The following HIF3A variants were observed in gnomAD, a reference collection of about 807,000 sequenced individuals.
HIF3A encodes the protein hypoxia-inducible factor 3-alpha.
A neutral mutation model predicts 67.2 loss-of-function variants in HIF3A; 41 were observed. The observed-to-expected ratio is 0.61, with a 90% CI of 0.48 to 0.79. The LOEUF is 0.79. Among genes scored for constraint, HIF3A ranks in the 30% least tolerant of loss-of-function variants. The pLI is 0.00. For synonymous variants in HIF3A, 356 were observed against 374.8 expected (o/e 0.95, Z 0.58); for missense variants, 855 against 898.0 (o/e 0.95, Z 0.61).
In HIF3A at chr19:46,305,265, GCAGGGGGAGAACCA is replaced by G; in HGVS notation, c.240_253del (p.Gly82CysfsTer45). 1 of 1,614,090 alleles carries G rather than the reference GCAGGGGGAGAACCA, an allele frequency of 6.2e-7. No homozygotes were observed. Among genetic ancestry groups the G allele is most frequent in the Non-Finnish European group, 8.5e-7 (1 of 1,180,036 alleles). On this transcript the variant is annotated frameshift_variant, in exon 3 of 15. Transcript: ENST00000377670. LOFTEE classifies it high-confidence loss of function. Reference sequence around the variant, plus strand: ...ACCAGGGGAGTGGAACCAGGTGGGAGCAGGGGGAGAACCACTGGATGCCTGCTACCTGAAGGCCC... The same window carrying G: ...ACCAGGGGAGTGGAACCAGGTGGGAGCTGGATGCCTGCTACCTGAAGGCCC...
chr19:46,308,795 A>C lies in HIF3A; in HGVS notation c.561+20A>C. ...TGGAAGGTGCGTGGGGCCGGGCCAG[A>C]GGAGGGCGGGGACGCTGGGGCTGGG... On this transcript the variant is annotated intron_variant, in intron 5 of 14. Transcript: ENST00000377670. 6.6e-7 allele frequency: 1 copy of C among 1,512,198 alleles called. No homozygotes were observed. The highest frequency in any genetic ancestry group is 9.1e-7 in the Non-Finnish European group (1 of 1,101,176). The allele number at this position is 1,512,198 out of a possible 1,614,324, so 93.7% of individuals were successfully genotyped here.
At chr19:46,337,871 ACTGT>A (rs1353836073) in intron 14 of HIF3A, among the ~76,000 whole-genome samples, 2 of 152,184 alleles carry the variant, frequency 1.3e-5, no homozygotes, top group Non-Finnish European at 2.9e-5. Context: ...TAATTTGATG[ACTGT>A]CTGTCTTCTC....
At position 46,300,840 on chromosome 19, in the gene HIF3A, G is replaced by A. The variant is rs146859080; in HGVS notation, c.27-3058G>A. Reference sequence around the variant, plus strand: ...CAGTAGAACATCCAGAGGGCAGGCTGGGAGCTGGAAGGAGGGTCCCTCCGC... The same window carrying A: ...CAGTAGAACATCCAGAGGGCAGGCTAGGAGCTGGAAGGAGGGTCCCTCCGC... On this transcript the variant is annotated intron_variant, in intron 1 of 14. Coordinates refer to ENST00000377670, the MANE Select transcript of HIF3A (RefSeq NM_152795.4). Among the ~76,000 whole-genome samples the A allele has an allele frequency of 1.3e-3, 203 of 152,270 alleles. 2 individuals carry two copies. The highest frequency in any genetic ancestry group is 4.7e-3 in the African/African-American group (196 of 41,552).
rs1971937631 is a variant in HIF3A at position 46,341,632 on chromosome 19, TCC to T, written c.*2011_*2012del. ...TTTGATGTGTTTATCTCTTTTTTCT[TCC>T]TCTTCTTTTTTTTTTTTTTCTTTTT... On this transcript the variant is annotated 3_prime_UTR_variant, in exon 15 of 15. Coordinates refer to ENST00000377670, the MANE Select transcript of HIF3A (RefSeq NM_152795.4). 2 of 149,872 alleles carry T rather than the reference TCC, an allele frequency of 1.3e-5. No homozygotes were observed. Among genetic ancestry groups the T allele is most frequent in the African/African-American group, 5.1e-5 (2 of 39,584 alleles). The allele number at this position is 149,872 out of a possible 1,614,324, so 9.3% of individuals were successfully genotyped here.
chr19:46,323,891 C>T (rs965603091), intron 10 of HIF3A, among the ~76,000 whole-genome samples: 5 of 152,158 alleles, frequency 3.3e-5, no homozygotes, highest in African/African-American at 1.2e-4. Context: ...CCCCATGATT[C>T]AATTATCGCT....
At chr19:46,299,220 G>T (rs117257291) in intron 1 of HIF3A, among the ~76,000 whole-genome samples, 3,720 of 152,350 alleles carry the variant, frequency 0.024, 71 homozygotes, top group Non-Finnish European at 0.039. Flanking sequence ...GCCAGCTGGG[G>T]CGATCTGGAG....
At chr19:46,316,018 G>A (rs1444293489) in intron 8 of HIF3A, among the ~76,000 whole-genome samples, 1 of 152,110 alleles carries the variant, frequency 6.6e-6, no homozygotes, top group Non-Finnish European at 1.5e-5. Context: ...ATCACCTGAG[G>A]TCAGGAGTTC....
At chr19:46,335,765 G>A (rs924340157) in intron 14 of HIF3A, among the ~76,000 whole-genome samples, 5 of 151,986 alleles carry the variant, frequency 3.3e-5, no homozygotes, top group Non-Finnish European at 7.4e-5. Flanking sequence ...AGGGCAGGGT[G>A]AGTGTTTCCT....
intron 1 of HIF3A, 72 bp from the exon 2 acceptor site, chr19:46,303,826 C>T (rs1038125441): frequency 3.3e-6 from 5 of 1,529,690 alleles, no homozygotes; most frequent in Non-Finnish European, 4.4e-6. Context: ...CGTGGCAGCT[C>T]CCCACGTGCT....
chr19:46,318,305 C>A (rs1329707640), intron 8 of HIF3A, among the ~76,000 whole-genome samples: 3 of 151,532 alleles, frequency 2.0e-5, no homozygotes, highest in Non-Finnish European at 4.4e-5. Flanking sequence ...TGGTAACTCA[C>A]ACCTGTAATC....
Position 46,340,448 on chromosome 19 carries a change from ACCTTCTTCTTCTT to A in HIF3A, c.*835_*847del, listed in dbSNP as rs1217760319. On this transcript the variant is annotated 3_prime_UTR_variant, in exon 15 of 15. Transcript: ENST00000377670. Reference sequence around the variant, plus strand: ...CCTCCAATGTGGTCTGCTTTAGATCACCTTCTTCTTCTTCCTTCTTCCTCTTCCTCTTCCTCCT... The same window carrying A: ...CCTCCAATGTGGTCTGCTTTAGATCACCTTCTTCCTCTTCCTCTTCCTCCT... 6.6e-6 allele frequency: 1 copy of A among 151,740 alleles called. No individual in the cohort carries two copies. The highest frequency in any genetic ancestry group is 1.9e-4 in the East Asian group (1 of 5,144). 9.4% of individuals were successfully genotyped at this position (151,740 alleles called of 1,614,324 possible).
chr19:46,308,305 A>G lies in HIF3A; in HGVS notation c.448A>G (p.Thr150Ala), dbSNP rs1969081015. ...TCAGGACGCCCTGACCCCCCAGCAG[A>G]GTGAGTTCCCTGGAGGCCTCTGTCC... ...ELQDALTPQQ[T>A]LSRRKVEAPT... The change falls in exon 4 of 15, where the codon ACC (threonine) becomes GCC (alanine). Residue 150 changes from threonine to alanine, a missense_variant and splice_region_variant. Physicochemically the swap from Thr to Ala is moderately conservative, Grantham distance 58 (BLOSUM62 0). Around this residue, in one of 3 missense-constraint regions of HIF3A, gnomAD observed 638 missense variants for 660.5 expected, o/e 0.97. Coordinates refer to ENST00000377670, the MANE Select transcript of HIF3A (RefSeq NM_152795.4). 2.5e-6 allele frequency: 4 copies of G among 1,604,170 alleles called. No homozygotes were observed. The highest frequency in any genetic ancestry group is 3.4e-6 in the Non-Finnish European group (4 of 1,173,102).
At chr19:46,324,670 A>G (rs1041114227) in intron 10 of HIF3A, among the ~76,000 whole-genome samples, 4 of 151,856 alleles carry the variant, frequency 2.6e-5, no homozygotes, top group South Asian at 2.1e-4. Flanking sequence ...CCTGACTAAC[A>G]TGGTGAAACC....
rs1212101778 is a variant in HIF3A at position 46,309,376 on chromosome 19, T to C, written c.770+17T>C. 6.4e-7 allele frequency: 1 copy of C among 1,564,850 alleles called. No individual in the cohort carries two copies. The highest frequency in any genetic ancestry group is 2.3e-5 in the East Asian group (1 of 43,424). ...TGACGACAGGTGGGCAGGGGCCCCCTCTTCCGTCTGCCCAAGTTCAAGTGC... is the reference window on the plus strand; with the variant it reads ...TGACGACAGGTGGGCAGGGGCCCCCCCTTCCGTCTGCCCAAGTTCAAGTGC... On this transcript the variant is annotated intron_variant, in intron 6 of 14. Transcript: ENST00000377670.
chr19:46,308,514 G>T lies in HIF3A; in HGVS notation c.449-149G>T. On this transcript the variant is annotated intron_variant, in intron 4 of 14. Transcript: ENST00000377670. ...AGCCCTGCCCTGGGGGGTCCAAGGG[G>T]ACACATACTACCCCTGGGGGACCCT... 29 of 636,334 alleles carry T rather than the reference G, an allele frequency of 4.6e-5. 1 individual carries two copies. The South Asian group carries it at 5.7e-4, about 13-fold the overall frequency. The allele number at this position is 636,334 out of a possible 1,614,324, so 39.4% of individuals were successfully genotyped here. A position where few individuals can be genotyped will look rare whatever the true frequency, so the allele number is the denominator to read the frequency against.
Position 46,308,762 on chromosome 19 carries a change from C to T in HIF3A, c.548C>T (p.Ala183Val), listed in dbSNP as rs771832675. The T allele has an allele frequency of 6.2e-6, 10 of 1,605,628 alleles. No homozygotes were observed. The highest frequency in any genetic ancestry group is 1.7e-4 in the Middle Eastern group (1 of 5,908). ...CGCGGGCGCACCCTCAACCTCAAGG[C>T]GGCCACCTGGAAGGTGCGTGGGGCC... ...TSRGRTLNLK[A>V]ATWKVLNCSG... is the part of the protein sequence containing the mutation. The change falls in exon 5 of 15, where the codon GCG (alanine) becomes GTG (valine). Residue 183 changes from alanine to valine, a missense_variant. Around this residue, in one of 3 missense-constraint regions of HIF3A, gnomAD observed 638 missense variants for 660.5 expected, o/e 0.97. Transcript: ENST00000377670.
chr19:46,330,776 GTGGATGGATGGATGGA>G (rs111371861), intron 12 of HIF3A, among the ~76,000 whole-genome samples: 3 of 145,082 alleles, frequency 2.1e-5, no homozygotes, highest in Admixed American at 1.4e-4. Context: ...GGGTGGATCA[GTGGATGGATGGATGGA>G]TGGATGGATG....
At chr19:46,312,035 T>C in intron 6 of HIF3A, 126 bp from the exon 7 acceptor site, 1 of 800,952 alleles carries the variant, frequency 1.2e-6, no homozygotes, top group Non-Finnish European at 2.3e-6. Context: ...TCCTTTTCTC[T>C]CGGTTACAAT....
At position 46,342,449 on chromosome 19, in the gene HIF3A, G is replaced by C. The variant is rs923482948; in HGVS notation, c.*2827G>C. ...GGGGTTTCACCATGTTGCCCAGGCTGGTCGCGAACTACTGAGCTCAAGCAA... is the reference window on the plus strand; with the variant it reads ...GGGGTTTCACCATGTTGCCCAGGCTCGTCGCGAACTACTGAGCTCAAGCAA... On this transcript the variant is annotated 3_prime_UTR_variant, in exon 15 of 15. Transcript: ENST00000377670. The C allele has an allele frequency of 2.0e-5, 3 of 151,260 alleles. No individual in the cohort carries two copies. Among genetic ancestry groups the C allele is most frequent in the Non-Finnish European group, 4.4e-5 (3 of 67,896 alleles). 9.4% of individuals were successfully genotyped at this position (151,260 alleles called of 1,614,324 possible).
Sources: gnomAD v4.1 joint callset for allele counts (sites outside exome capture counted in the v4.1 genomes callset) on GRCh38, gnomAD v4.1.1 for gene constraint, gnomAD v4.1.1 regional missense constraint, MANE v1.5 for transcripts, NCBI Gene and HGNC (gene_info 2026-07-23, HGNC 2026-07-21) for gene names.